The following ABCC2 variants were observed in gnomAD, a reference collection of about 807,000 sequenced individuals.
ABCC2 encodes the protein ATP-binding cassette sub-family C member 2.
In ABCC2, 157 loss-of-function variants were observed where a neutral mutation model predicts 173.4. That is an observed-to-expected ratio of 0.91 (90% CI 0.80 to 1.03). The LOEUF (loss-of-function observed/expected upper bound fraction) is 1.03. Ranked by LOEUF, ABCC2 falls within the 50% of genes least tolerant of loss-of-function variation. ABCC2 has a pLI of 0.00. For synonymous variants in ABCC2, 657 were observed against 693.5 expected, an observed-to-expected ratio of 0.95 and a Z score of 0.83; for missense variants, 1,822 against 1,852.3, an observed-to-expected ratio of 0.98 and a Z score of 0.30.
rs1161530285 is a variant in ABCC2 at position 99,784,782 on chromosome 10, G to A, written c.207+1G>A. On this transcript the variant is annotated splice_donor_variant, in intron 2 of 31. Coordinates refer to ENST00000647814, the MANE Select transcript of ABCC2 (RefSeq NM_000392.5). LOFTEE classifies it high-confidence loss of function. ...CACCAAACTCTATCTTGCTAAGCAG[G>A]TAAAGTTAACACCACTGTTTCTGAA... 6.2e-7 allele frequency: 1 copy of A among 1,614,020 alleles called. No individual in the cohort carries two copies. Among genetic ancestry groups the A allele is most frequent in the Admixed American group, 1.7e-5 (1 of 60,018 alleles).
At chr10:99,838,391 A>C (rs1226126736) in intron 25 of ABCC2, among the ~76,000 whole-genome samples, 3 of 89,220 alleles carry the variant, frequency 3.4e-5, no homozygotes, top group African/African-American at 8.3e-5. Context: ...CGACCCCCCC[A>C]CCTCCCTCCC....
Position 99,826,408 on chromosome 10 carries a change from T to C in ABCC2, c.2621-3899T>C, listed in dbSNP as rs1337307682. On this transcript the variant is annotated intron_variant, in intron 19 of 31. Coordinates refer to ENST00000647814, the MANE Select transcript of ABCC2 (RefSeq NM_000392.5). ...AACTCCACTATGACCTTACGGGCTT[T>C]TTCATTGGCAATTGACTTTTGAGCA... Among the ~76,000 whole-genome samples the C allele has an allele frequency of 3.3e-5, 5 of 150,330 alleles. No individual in the cohort carries two copies. In the East Asian group the frequency reaches 8.1e-4, roughly 24 times the overall value.
At position 99,844,346 on chromosome 10, in the gene ABCC2, C is replaced by T; in HGVS notation, c.3868C>T (p.Pro1290Ser). ...NEAPWVTDKR[P>S]PPDWPSKGKI... ...GGCACCCTGGGTGACTGATAAGAGG[C>T]CTCCGCCAGATTGGCCCAGCAAAGG... The change falls in exon 28 of 32, where the codon CCT (proline) becomes TCT (serine). Residue 1290 changes from proline to serine, a missense_variant. Physicochemically the swap from Pro to Ser is moderately conservative, Grantham distance 74. Coordinates refer to ENST00000647814, the MANE Select transcript of ABCC2 (RefSeq NM_000392.5). 1 of 1,614,194 alleles carries T rather than the reference C, an allele frequency of 6.2e-7. No homozygotes were observed. The highest frequency in any genetic ancestry group is 8.5e-7 in the Non-Finnish European group (1 of 1,180,036).
intron 25 of ABCC2, among the ~76,000 whole-genome samples, chr10:99,840,934 C>T (rs2038933108): frequency 6.6e-6 from 1 of 151,862 alleles, no homozygotes; most frequent in South Asian, 2.1e-4. Context: ...AATCAGAAAA[C>T]CTAGGGGCTC....
At chr10:99,827,094 G>A (rs961068605) in intron 19 of ABCC2, among the ~76,000 whole-genome samples, 8 of 151,772 alleles carry the variant, frequency 5.3e-5, no homozygotes, top group Non-Finnish European at 2.9e-5. Context: ...AGGGTATGGC[G>A]CCCTGCCCTG....
rs2038744540 is a variant in ABCC2, at chr10:99,831,802, A to G, written c.3075A>G (p.Gly1025=). The G allele has an allele frequency of 6.2e-7, 1 of 1,614,056 alleles. No homozygotes were observed. The highest frequency in any genetic ancestry group is 1.3e-5 in the African/African-American group (1 of 74,906). ...YPASQRDMRV[G]VYGALGLAQG... is the part of the protein sequence containing the mutation. ...CATCTCAGAGGGACATGAGAGTTGG[A>G]GTCTACGGAGCTCTGGGATTAGCCC... is the stretch of plus-strand genomic sequence containing the variant. Residue 1025 remains glycine (G), a synonymous_variant, in exon 22 of 32, where the codon GGA becomes GGG. Coordinates refer to ENST00000647814, the MANE Select transcript of ABCC2 (RefSeq NM_000392.5).
chr10:99,800,590 A>G lies in ABCC2; in HGVS notation c.1209+27A>G. On this transcript the variant is annotated intron_variant, in intron 9 of 31. Coordinates refer to ENST00000647814, the MANE Select transcript of ABCC2 (RefSeq NM_000392.5). ...TAAGCAGAATACGGCAGGTATCACC[A>G]AAGAAAATCCCCTCAGTAAATATGA... 1.9e-6 allele frequency: 3 copies of G among 1,612,758 alleles called. No individual in the cohort carries two copies. The East Asian group carries it at 6.7e-5, about 36-fold the overall frequency.
intron 2 of ABCC2, among the ~76,000 whole-genome samples, chr10:99,786,323 G>T (rs1196134847): frequency 6.6e-6 from 1 of 152,138 alleles, no homozygotes; most frequent in Non-Finnish European, 1.5e-5. Flanking sequence ...AGAAACATAT[G>T]TTAGACTTTG....
rs886046618 is a variant in ABCC2, at chr10:99,800,578, G to T, written c.1209+15G>T. 6.2e-7 allele frequency: 1 copy of T among 1,613,804 alleles called. No individual in the cohort carries two copies. The highest frequency in any genetic ancestry group is 1.3e-5 in the African/African-American group (1 of 74,936). On this transcript the variant is annotated intron_variant, in intron 9 of 31. Coordinates refer to ENST00000647814, the MANE Select transcript of ABCC2 (RefSeq NM_000392.5). ...TATATAAGAAGGTAAGCAGAATACGGCAGGTATCACCAAAGAAAATCCCCT... is the reference window on the plus strand; with the variant it reads ...TATATAAGAAGGTAAGCAGAATACGTCAGGTATCACCAAAGAAAATCCCCT...
chr10:99,797,055 C>T, intron 6 of ABCC2, 42 bp from the exon 7 acceptor site: 1 of 1,587,274 alleles, frequency 6.3e-7, no homozygotes. Flanking sequence ...TAGCCTCTGA[C>T]CCAGCCTGGG....
chr10:99,804,033 C>G lies in ABCC2; in HGVS notation c.1224C>G (p.Ser408=). 1.2e-6 allele frequency: 2 copies of G among 1,614,100 alleles called. No homozygotes were observed. The highest frequency in any genetic ancestry group is 4.5e-5 in the East Asian group (2 of 44,874). Residue 408 remains serine, a synonymous_variant, in exon 10 of 32, where the codon TCC becomes TCG. Transcript: ENST00000647814. The part of the protein sequence containing the change: ...ASVYKKALTL[S]NLARKEYTVG... ...CTTATCTTTAGGCATTGACCCTATCCAACTTGGCCAGGAAGGAGTACACCG... is the reference window on the plus strand; with the variant it reads ...CTTATCTTTAGGCATTGACCCTATCGAACTTGGCCAGGAAGGAGTACACCG...
chr10:99,830,456 A>T (rs1159171226), intron 20 of ABCC2, 23 bp downstream of exon 20: 5 of 1,614,106 alleles, frequency 3.1e-6, no homozygotes, highest in Non-Finnish European at 4.2e-6. Context: ...TTCAGCTGGC[A>T]GCCCTCGTCA....
chr10:99,801,940 T>C (rs972614767), intron 9 of ABCC2, among the ~76,000 whole-genome samples: 2 of 152,202 alleles, frequency 1.3e-5, no homozygotes, highest in African/African-American at 4.8e-5. Context: ...AACTCCCAGA[T>C]ACCCCCCAAC....
intron 17 of ABCC2, among the ~76,000 whole-genome samples, chr10:99,818,236 T>C (rs1316125496): frequency 6.7e-6 from 1 of 150,060 alleles, no homozygotes; most frequent in Non-Finnish European, 1.5e-5. Context: ...AAAAAAAAGA[T>C]TTTTAATGAC....
At position 99,793,590 on chromosome 10, in the gene ABCC2, G is replaced by A. The variant is rs1221051389; in HGVS notation, c.373G>A (p.Val125Ile). 6.8e-6 allele frequency: 11 copies of A among 1,613,956 alleles called. No homozygotes were observed. Among genetic ancestry groups the A allele is most frequent in the Admixed American group, 3.3e-5 (2 of 59,996 alleles). ...LLIQYSRQWC[V>I]QKNSWFLSLF... ...GATCCAATACAGCAGACAATGGTGT[G>A]TACAGAAAAACTCCTGGTTCCTGTC... is the stretch of plus-strand genomic sequence containing the variant. The change falls in exon 4 of 32, where the codon GTA becomes ATA. Residue 125 changes from valine (V) to isoleucine (I), a missense_variant. By Grantham distance (29) the Val-to-Ile change is conservative. Transcript: ENST00000647814.
chr10:99,815,470 A>G (rs993641172), intron 16 of ABCC2, among the ~76,000 whole-genome samples: 2 of 152,118 alleles, frequency 1.3e-5, no homozygotes, highest in African/African-American at 4.8e-5. Context: ...TGCTGGGATT[A>G]TATGGGTAAG....
chr10:99,819,158 G>T lies in ABCC2; in HGVS notation c.2509G>T (p.Gly837Ter), dbSNP rs746423753. Residue 837 changes from glycine (G) to a stop codon, truncating the protein, a stop_gained, in exon 19 of 32, where the codon GGA becomes TGA. Transcript: ENST00000647814. LOFTEE classifies it high-confidence loss of function. ...GGATGAGATTGTAGTTCTGGGGAAT[G>T]GAACAATTGTAGAGAAAGGATCCTA... Reference protein sequence around the residue: ...QVDEIVVLGNGTIVEKGSYSA... With the variant: ...QVDEIVVLGN The T allele has an allele frequency of 1.2e-6, 2 of 1,614,002 alleles. No homozygotes were observed. Among genetic ancestry groups the T allele is most frequent in the Non-Finnish European group, 1.7e-6 (2 of 1,180,014 alleles).
Position 99,805,391 on chromosome 10 carries a change from A to G in ABCC2, c.1474A>G (p.Met492Val). 1 of 1,613,916 alleles carries G rather than the reference A, an allele frequency of 6.2e-7. No homozygotes were observed. The highest frequency in any genetic ancestry group is 8.5e-7 in the Non-Finnish European group (1 of 1,179,862). The change falls in exon 11 of 32, where the codon ATG becomes GTG. Residue 492 changes from methionine (M) to valine (V), a missense_variant. Transcript: ENST00000647814. Reference protein sequence around the residue: ...TKSKTIQVKNMKNKDKRLKIM... With the variant: ...TKSKTIQVKNVKNKDKRLKIM... ...GCTTTTTTCCTGGCAGGTCAAAAAT[A>G]TGAAGAATAAAGACAAACGTTTAAA... is the stretch of plus-strand genomic sequence containing the variant.
intron 9 of ABCC2, among the ~76,000 whole-genome samples, chr10:99,803,195 C>T (rs1038097223): frequency 1.3e-5 from 2 of 152,200 alleles, no homozygotes; most frequent in Non-Finnish European, 2.9e-5. Flanking sequence ...TCTTGAACTC[C>T]TGACCTCAGG....
Sources: gnomAD v4.1 joint callset for allele counts (sites outside exome capture counted in the v4.1 genomes callset) on GRCh38, gnomAD v4.1.1 for gene constraint, MANE v1.5 for transcripts, NCBI Gene and HGNC (gene_info 2026-07-23, HGNC 2026-07-21) for gene names.